The following ANXA8 variants were observed in gnomAD, a reference collection of about 807,000 sequenced individuals.
The protein encoded by ANXA8 is annexin A8, also known as VAC-beta.
A neutral mutation model predicts 26.8 loss-of-function variants in ANXA8; 9 were observed. The ratio of observed to expected loss-of-function variants is 0.34; its 90% CI spans 0.20 to 0.59. The LOEUF (loss-of-function observed/expected upper bound fraction) is 0.59, where lower values mean the gene tolerates loss of function less well. ANXA8 is among the 20% of genes least tolerant of loss of function. The pLI is 0.84. For missense variants in ANXA8, 83 were observed against 238.5 expected, an observed-to-expected ratio of 0.35 and a Z score of 4.29; for synonymous variants, 39 against 94.8, an observed-to-expected ratio of 0.41 and a Z score of 3.42.
the ANXA8 span, among the ~76,000 whole-genome samples, chr10:47,553,904 G>A: frequency 6.7e-6 from 1 of 149,222 alleles, no homozygotes; most frequent in African/African-American, 2.5e-5. Context: ...ATGGACTATG[G>A]CTGGATTGGG....
the ANXA8 span, chr10:47,720,196 G>T: frequency 9.2e-7 from 1 of 1,087,302 alleles, no homozygotes; most frequent in Non-Finnish European, 1.3e-6. Flanking sequence ...CTGAGTGATA[G>T]ATAGCTATTT....
At chr10:47,480,969 T>C (rs1226346045) in intron 1 of ANXA8, among the ~76,000 whole-genome samples, 2 of 114,902 alleles carry the variant, frequency 1.7e-5, no homozygotes, top group African/African-American at 6.1e-5. Flanking sequence ...TCTGTAAGTA[T>C]CTTTCCTTTG....
At chr10:47,958,562 C>T in the ANXA8 span, among the ~76,000 whole-genome samples, 7 of 148,152 alleles carry the variant, frequency 4.7e-5, no homozygotes, top group African/African-American at 1.3e-4. Flanking sequence ...CCCTCGTGTG[C>T]CTTCCACTGA....
At chr10:47,503,863 C>T in the ANXA8 span, among the ~76,000 whole-genome samples, 1 of 103,336 alleles carries the variant, frequency 9.7e-6, no homozygotes, top group African/African-American at 4.3e-5. Context: ...GAACAGGGAC[C>T]TGGGAGGCAG....
chr10:47,925,447 A>G, the ANXA8 span, among the ~76,000 whole-genome samples: 1 of 135,002 alleles, frequency 7.4e-6, no homozygotes, highest in Non-Finnish European at 1.6e-5. Context: ...GTTGCTTCTC[A>G]TTATTAGTCT....
the ANXA8 span, among the ~76,000 whole-genome samples, chr10:47,958,586 T>C: frequency 1.3e-5 from 2 of 148,364 alleles, 1 homozygote; most frequent in Non-Finnish European, 3.0e-5. Flanking sequence ...CTTCGCCTCC[T>C]CCTCTAACAG....
the ANXA8 span, among the ~76,000 whole-genome samples, chr10:47,707,175 CA>C: frequency 8.4e-4 from 113 of 133,840 alleles, 12 homozygotes; most frequent in Non-Finnish European, 1.6e-3. Flanking sequence ...CTCAAAAAAA[CA>C]AAAAAAAACA....
At chr10:47,941,515 C>T in the ANXA8 span, among the ~76,000 whole-genome samples, 69 of 146,952 alleles carry the variant, frequency 4.7e-4, 3 homozygotes, top group South Asian at 8.6e-4. Flanking sequence ...ATTAGCCAGG[C>T]GTGGTGGCAT....
chr10:47,730,804 C>CA, the ANXA8 span, among the ~76,000 whole-genome samples: 1 of 148,906 alleles, frequency 6.7e-6, no homozygotes, highest in African/African-American at 2.5e-5. Context: ...GAAACTGCTG[C>CA]AGTGCTTTCG....
chr10:47,699,977 G>GA, the ANXA8 span, among the ~76,000 whole-genome samples: 4 of 151,906 alleles, frequency 2.6e-5, 1 homozygote, highest in Non-Finnish European at 5.9e-5. Context: ...CCTATATGAG[G>GA]AAAAAATTTA....
chr10:47,627,124 A>C, the ANXA8 span, among the ~76,000 whole-genome samples: 2 of 149,728 alleles, frequency 1.3e-5, no homozygotes, highest in African/African-American at 2.5e-5. Flanking sequence ...AGTCACAACA[A>C]TATTGTCTCT....
the ANXA8 span, among the ~76,000 whole-genome samples, chr10:47,514,276 C>A: frequency 6.7e-6 from 1 of 150,086 alleles, no homozygotes; most frequent in South Asian, 2.1e-4. Flanking sequence ...ATGAGGAATA[C>A]CACCTCAGCC....
At chr10:47,496,039 T>C in the ANXA8 span, among the ~76,000 whole-genome samples, 2 of 151,448 alleles carry the variant, frequency 1.3e-5, no homozygotes, top group Non-Finnish European at 2.9e-5. Context: ...AGGCTGTATC[T>C]GGGAAAGGAG....
At chr10:47,670,572 G>A in the ANXA8 span, among the ~76,000 whole-genome samples, 1 of 151,912 alleles carries the variant, frequency 6.6e-6, no homozygotes, top group Non-Finnish European at 1.5e-5. Context: ...TGGGTGTAAA[G>A]TGGTATCTTT....
At chr10:47,925,696 T>C in the ANXA8 span, among the ~76,000 whole-genome samples, 2 of 139,668 alleles carry the variant, frequency 1.4e-5, no homozygotes, top group African/African-American at 2.7e-5. Flanking sequence ...CCCAGGTTAA[T>C]TGTGTGCACA....
the ANXA8 span, among the ~76,000 whole-genome samples, chr10:47,772,652 A>C: frequency 6.6e-6 from 1 of 151,918 alleles, no homozygotes; most frequent in African/African-American, 2.4e-5. Flanking sequence ...ACAACTAGAA[A>C]TCGGTCAACC....
At chr10:47,667,800 C>T in the ANXA8 span, among the ~76,000 whole-genome samples, 4 of 151,838 alleles carry the variant, frequency 2.6e-5, no homozygotes, top group Admixed American at 1.3e-4. Flanking sequence ...TGCAGTGGTG[C>T]GATCTCGGTT....
chr10:47,986,909 G>A, the ANXA8 span: 5 of 480,608 alleles, frequency 1.0e-5, no homozygotes, highest in Non-Finnish European at 2.1e-5. Context: ...CAGGGGCTCT[G>A]GGGCAAGGGC....
the ANXA8 span, among the ~76,000 whole-genome samples, chr10:47,699,770 T>G: frequency 6.6e-6 from 1 of 151,706 alleles, no homozygotes; most frequent in African/African-American, 2.4e-5. Context: ...GGGATGAGGT[T>G]GCAGTGAGCT....
Sources: gnomAD v4.1 joint callset for allele counts (sites outside exome capture counted in the v4.1 genomes callset) on GRCh38, gnomAD v4.1.1 for gene constraint, MANE v1.5 for transcripts, NCBI Gene and HGNC (gene_info 2026-07-23, HGNC 2026-07-21) for gene names.